The following SLC41A3 variants were observed in gnomAD, a reference collection of about 807,000 sequenced individuals.
The protein encoded by SLC41A3 is SLC41A1-like 2.
In SLC41A3, 44 loss-of-function variants were observed where a neutral mutation model predicts 45.4. That is an observed-to-expected ratio of 0.97 (90% CI 0.76 to 1.25). SLC41A3 has a LOEUF of 1.25. Ranked by LOEUF, SLC41A3 falls within the 50% of genes most tolerant of loss-of-function variation. The pLI, the probability that SLC41A3 is intolerant of heterozygous loss-of-function variation, is 0.00. For synonymous variants in SLC41A3, 256 were observed against 252.4 expected, an observed-to-expected ratio of 1.01 and a Z score of -0.13; for missense variants, 550 against 600.6, an observed-to-expected ratio of 0.92 and a Z score of 0.88.
At chr3:126,030,953 G>T (rs558005187) in intron 4 of SLC41A3, among the ~76,000 whole-genome samples, 2 of 152,262 alleles carry the variant, frequency 1.3e-5, no homozygotes, top group East Asian at 3.9e-4. Flanking sequence ...TTTCTCAAAA[G>T]AAACATTTGT....
In SLC41A3 at chr3:126,070,917, T is replaced by C. The variant is rs138049745; in HGVS notation, c.-27-2671A>G. 4.1e-4 allele frequency among the ~76,000 whole-genome samples: 63 copies of C among 151,972 alleles called. No homozygotes were observed. The East Asian group carries it at 0.012, about 28-fold the overall frequency. On this transcript the variant is annotated intron_variant, in intron 1 of 10. Coordinates refer to ENST00000360370, the MANE Select transcript of SLC41A3 (RefSeq NM_017836.4). ...TTTAAAGACAACCACATAAATCAAG[T>C]TGGAATTAAGTTGTTATTGATCCAA...
At chr3:126,008,587 T>C in intron 10 of SLC41A3, 145 bp downstream of exon 10, 1 of 1,133,462 alleles carries the variant, frequency 8.8e-7, no homozygotes, top group African/African-American at 1.5e-5. Flanking sequence ...TTTGACAAGT[T>C]GACTCAACTC....
chr3:126,048,970 A>C (rs942035896), intron 3 of SLC41A3, among the ~76,000 whole-genome samples: 2 of 152,074 alleles, frequency 1.3e-5, no homozygotes, highest in African/African-American at 4.8e-5. Flanking sequence ...TGTTATGATA[A>C]TGTGTCTGCT....
chr3:126,094,967 G>C (rs1009890684), intron 1 of SLC41A3, among the ~76,000 whole-genome samples: 1 of 152,200 alleles, frequency 6.6e-6, no homozygotes, highest in Non-Finnish European at 1.5e-5. Flanking sequence ...GAGAAACAGG[G>C]ATTTGGGACA....
At position 126,026,180 on chromosome 3, in the gene SLC41A3, C is replaced by G. The variant is rs772958817; in HGVS notation, c.598+155G>C. On this transcript the variant is annotated intron_variant, in intron 5 of 10. Coordinates refer to ENST00000360370, the MANE Select transcript of SLC41A3 (RefSeq NM_017836.4). The surrounding 1 kb of genome is among the most constrained non-coding windows in gnomAD (Gnocchi z 4.2). ...AGGTGGGCCATGAAGACCCAGCTGGCTCGTCCCACCCTGCCAGTGAGAACC... is the reference window on the plus strand; with the variant it reads ...AGGTGGGCCATGAAGACCCAGCTGGGTCGTCCCACCCTGCCAGTGAGAACC... The G allele has an allele frequency of 3.4e-5, 41 of 1,217,670 alleles. No homozygotes were observed. Among genetic ancestry groups the G allele is most frequent in the Non-Finnish European group, 4.4e-5 (39 of 886,586 alleles). The allele number at this position is 1,217,670 out of a possible 1,614,324, so 75.4% of individuals were successfully genotyped here.
rs1941345423 is a variant in SLC41A3 at position 126,026,385 on chromosome 3, A to C, written c.548T>G (p.Leu183Trp). 6.3e-7 allele frequency: 1 copy of C among 1,581,620 alleles called. No homozygotes were observed. The highest frequency in any genetic ancestry group is 1.2e-5 in the South Asian group (1 of 86,340). Residue 183 changes from leucine (L) to tryptophan (W), a missense_variant, in exon 5 of 11, where the codon TTG (leucine) becomes TGG (tryptophan). By Grantham distance (61) the Leu-to-Trp change is moderately conservative. Coordinates refer to ENST00000360370, the MANE Select transcript of SLC41A3 (RefSeq NM_017836.4). This position sits in a 1 kb window ranked among gnomAD's most constrained non-coding sequence, Gnocchi z 4.2. The part of the protein sequence containing the change: ...REEVDVAKVE[L>W]LCASSVLTAF... ...AGTGAGGACACTGCTGGCACACAGC[A>C]ACTCCACCTTGGCGACATCCACTTC...
intron 1 of SLC41A3, among the ~76,000 whole-genome samples, chr3:126,095,702 G>A (rs986792373): frequency 6.6e-6 from 1 of 152,190 alleles, no homozygotes; most frequent in Non-Finnish European, 1.5e-5. Flanking sequence ...GCCAGAAAAT[G>A]AACGTACTTG....
At chr3:126,007,313 T>G in intron 10 of SLC41A3, 88 bp from the exon 11 acceptor site, 1 of 1,422,014 alleles carries the variant, frequency 7.0e-7, no homozygotes, top group Non-Finnish European at 9.6e-7. Flanking sequence ...CAAGGAGAGA[T>G]ACCAAGGTGG....
intron 2 of SLC41A3, among the ~76,000 whole-genome samples, chr3:126,064,452 G>A (rs1463905047): frequency 1.3e-5 from 2 of 152,110 alleles, no homozygotes; most frequent in Non-Finnish European, 2.9e-5. Flanking sequence ...CGCAAGGTGT[G>A]CAGCATCCTC....
At chr3:126,043,821 C>CA (rs1413035996) in intron 3 of SLC41A3, among the ~76,000 whole-genome samples, 1 of 74,804 alleles carries the variant, frequency 1.3e-5, no homozygotes. Context: ...AACAAAAAAA[C>CA]AAAAAAACAA....
chr3:126,052,784 G>A (rs1057398051), intron 2 of SLC41A3, among the ~76,000 whole-genome samples: 1 of 152,004 alleles, frequency 6.6e-6, no homozygotes, highest in African/African-American at 2.4e-5. Context: ...TCTTCCTCCT[G>A]ACCATGTTAA....
chr3:126,075,137 G>T (rs960394445), intron 1 of SLC41A3, among the ~76,000 whole-genome samples: 3 of 152,068 alleles, frequency 2.0e-5, no homozygotes, highest in African/African-American at 4.8e-5. Flanking sequence ...GTAGAAATGA[G>T]GTCTTGCTAT....
intron 2 of SLC41A3, among the ~76,000 whole-genome samples, chr3:126,051,473 C>T (rs891273449): frequency 2.6e-5 from 4 of 152,190 alleles, no homozygotes; most frequent in African/African-American, 9.7e-5. Flanking sequence ...TTCACACAGG[C>T]CATGCAGGCC....
intron 2 of SLC41A3, among the ~76,000 whole-genome samples, chr3:126,052,265 C>T (rs560513918): frequency 1.4e-4 from 22 of 152,288 alleles, no homozygotes; most frequent in African/African-American, 4.1e-4. Flanking sequence ...TCCTCTCAGC[C>T]TGCACACCCT....
intron 7 of SLC41A3, 91 bp downstream of exon 7, chr3:126,016,640 C>G: frequency 6.8e-7 from 1 of 1,479,630 alleles, no homozygotes; most frequent in South Asian, 1.4e-5. Flanking sequence ...CACTCCATTC[C>G]TGTCCCCCAA....
intron 2 of SLC41A3, among the ~76,000 whole-genome samples, chr3:126,060,921 AG>A (rs1318405493): frequency 1.3e-5 from 2 of 152,228 alleles, no homozygotes; most frequent in Non-Finnish European, 2.9e-5. Flanking sequence ...GGACCACCTG[AG>A]GAGCTTCTGC....
chr3:126,045,603 T>C (rs1942910616), intron 3 of SLC41A3, among the ~76,000 whole-genome samples: 1 of 151,988 alleles, frequency 6.6e-6, no homozygotes, highest in Admixed American at 6.6e-5. Context: ...TACTGAAAAC[T>C]AAGAAAATGA....
At chr3:126,083,303 C>G (rs1945256125) in intron 1 of SLC41A3, among the ~76,000 whole-genome samples, 1 of 152,060 alleles carries the variant, frequency 6.6e-6, no homozygotes, top group African/African-American at 2.4e-5. Context: ...TGCTGCTGGT[C>G]CTGGGACCAC....
Position 126,061,895 on chromosome 3 carries a change from C to T in SLC41A3, c.273+6052G>A, listed in dbSNP as rs1052304039. Among the ~76,000 whole-genome samples, 10 of 152,268 alleles carry T rather than the reference C, an allele frequency of 6.6e-5. No individual in the cohort carries two copies. In the East Asian group the frequency reaches 1.5e-3, roughly 24 times the overall value. ...CTCCCACCCTAAAGGGTTATTTTCG[C>T]CCCCATGACGAGAACCACTGTTAAC... On this transcript the variant is annotated intron_variant, in intron 2 of 10. Coordinates refer to ENST00000360370, the MANE Select transcript of SLC41A3 (RefSeq NM_017836.4).
Sources: gnomAD v4.1 joint callset for allele counts (sites outside exome capture counted in the v4.1 genomes callset) on GRCh38, gnomAD v4.1.1 for gene constraint, Gnocchi (gnomAD v3.1) non-coding constraint, MANE v1.5 for transcripts, NCBI Gene and HGNC (gene_info 2026-07-23, HGNC 2026-07-21) for gene names.